Variants in ZNF160 observed in about 807,000 individuals in gnomAD.
The protein encoded by ZNF160 is KRAB zinc finger protein KR18.
ZNF160 carries 9 observed loss-of-function variants against 13.1 expected under a neutral mutation model. The ratio of observed to expected loss-of-function variants is 0.69; its 90% CI spans 0.41 to 1.20. The LOEUF is 1.20. Among genes scored for constraint, ZNF160 ranks in the 50% most tolerant of loss-of-function variants. ZNF160 has a pLI of 0.01. For missense variants in ZNF160, 838 were observed against 988.0 expected, an observed-to-expected ratio of 0.85 and a Z score of 2.04; for synonymous variants, 293 against 333.2, an observed-to-expected ratio of 0.88 and a Z score of 1.31.
intron 3 of ZNF160, 69 bp from the exon 4 acceptor site, chr19:53,075,252 A>C: frequency 6.3e-7 from 1 of 1,583,708 alleles, no homozygotes; most frequent in Non-Finnish European, 8.6e-7. Flanking sequence ...AAAGGAGAAG[A>C]GGAGAAAAAT....
chr19:53,076,438 A>C (rs955134175), intron 3 of ZNF160, among the ~76,000 whole-genome samples: 3 of 152,162 alleles, frequency 2.0e-5, no homozygotes, highest in Non-Finnish European at 4.4e-5. Context: ...TCAGGAGTTC[A>C]AGACCAGCCT....
At chr19:53,094,894 G>C (rs2145962146) in intron 1 of ZNF160, among the ~76,000 whole-genome samples, 2 of 152,184 alleles carry the variant, frequency 1.3e-5, no homozygotes, top group African/African-American at 4.8e-5. Flanking sequence ...GAGGAGTAGA[G>C]AGCCCAGGCC....
At chr19:53,094,131 C>T (rs1378751488) in intron 1 of ZNF160, among the ~76,000 whole-genome samples, 2 of 152,130 alleles carry the variant, frequency 1.3e-5, no homozygotes, top group African/African-American at 4.8e-5. Context: ...CAAAGGTAAC[C>T]CAGAAATTTA....
intron 3 of ZNF160, among the ~76,000 whole-genome samples, chr19:53,084,496 C>A (rs1298608361): frequency 6.6e-6 from 1 of 152,148 alleles, no homozygotes; most frequent in African/African-American, 2.4e-5. Flanking sequence ...CGTGCTCCGG[C>A]CTCGCTCCAG....
At chr19:53,078,078 A>T (rs2145647945) in intron 3 of ZNF160, among the ~76,000 whole-genome samples, 1 of 152,256 alleles carries the variant, frequency 6.6e-6, no homozygotes, top group East Asian at 1.9e-4. Context: ...CATCTCTACA[A>T]AAATACAAAA....
At position 53,069,599 on chromosome 19, in the gene ZNF160, G is replaced by C; in HGVS notation, c.935C>G (p.Pro312Arg). The change falls in exon 6 of 6, where the codon CCT becomes CGT. Residue 312 changes from proline to arginine, a missense_variant. Pro to Arg is a moderately radical substitution (Grantham distance 103). This residue lies in a region of ZNF160 where 387 missense variants were observed against 402.3 expected (regional missense o/e 0.96). Coordinates refer to ENST00000683776, the MANE Select transcript of ZNF160 (RefSeq NM_001322131.2). This position sits in a 1 kb window ranked among gnomAD's most constrained non-coding sequence, Gnocchi z 4.4. ...IHQVIHTGEK[P>R]YKCHECGKVF... ...CTTGCCACACTCATGACATTTGTAAGGTTTTTCTCCAGTATGGATGACCTG... is the reference window on the plus strand; with the variant it reads ...CTTGCCACACTCATGACATTTGTAACGTTTTTCTCCAGTATGGATGACCTG... 5.0e-6 allele frequency: 8 copies of C among 1,614,088 alleles called. No homozygotes were observed. Among genetic ancestry groups the C allele is most frequent in the Non-Finnish European group, 6.8e-6 (8 of 1,180,016 alleles).
At position 53,079,708 on chromosome 19, in the gene ZNF160, T is replaced by C. The variant is rs139446489; in HGVS notation, c.16-4525A>G. On this transcript the variant is annotated intron_variant, in intron 3 of 5. Coordinates refer to ENST00000683776, the MANE Select transcript of ZNF160 (RefSeq NM_001322131.2). ...CATCCAACCGAAAAACTTTTGTGCA[T>C]CAACAGATGCTACCAAGAGTAAAAC... is the stretch of plus-strand genomic sequence containing the variant. 3.3e-3 allele frequency among the ~76,000 whole-genome samples: 481 copies of C among 145,596 alleles called. 6 individuals are homozygous for C. Among genetic ancestry groups the C allele is most frequent in the Non-Finnish European group, 4.6e-3 (308 of 66,994 alleles).
At chr19:53,078,242 A>G (rs535688599) in intron 3 of ZNF160, among the ~76,000 whole-genome samples, 10 of 149,040 alleles carry the variant, frequency 6.7e-5, no homozygotes, top group South Asian at 2.1e-4. Flanking sequence ...ACCTCAGGGG[A>G]AAAAAAAAAT....
chr19:53,073,303 G>T (rs768942366), intron 5 of ZNF160: 2 of 1,575,318 alleles, frequency 1.3e-6, no homozygotes, highest in South Asian at 2.3e-5. Flanking sequence ...GAAGGATTTT[G>T]TTAGGTGTCT....
At chr19:53,085,966 T>A (rs757805771) in intron 3 of ZNF160, 22 of 1,253,778 alleles carry the variant, frequency 1.8e-5, no homozygotes, top group Non-Finnish European at 2.2e-5. Context: ...ATGCGGCCCC[T>A]GAGCAATCCC....
At chr19:53,080,484 C>A (rs918310607) in intron 3 of ZNF160, among the ~76,000 whole-genome samples, 4 of 152,002 alleles carry the variant, frequency 2.6e-5, no homozygotes, top group Admixed American at 6.6e-5. Flanking sequence ...ATAGCCACAC[C>A]CCCCAAAAAA....
chr19:53,069,012 G>T lies in ZNF160; in HGVS notation c.1522C>A (p.Pro508Thr), dbSNP rs2084064315. ...NHRRIHTGEK[P>T]YKCNECGKAF... ...TTCCCACACTCATTACACTTGTAAG[G>T]TTTCTCTCCAGTATGAATTCTTCGA... The change falls in exon 6 of 6, where the codon CCT (proline) becomes ACT (threonine). Residue 508 changes from proline to threonine, a missense_variant. By Grantham distance (38) the Pro-to-Thr change is conservative. Transcript: ENST00000683776. This position sits in a 1 kb window ranked among gnomAD's most constrained non-coding sequence, Gnocchi z 4.4. 1 of 1,614,066 alleles carries T rather than the reference G, an allele frequency of 6.2e-7. No homozygotes were observed. Among genetic ancestry groups the T allele is most frequent in the Admixed American group, 1.7e-5 (1 of 59,996 alleles).
chr19:53,071,692 C>G (rs1285584290), intron 5 of ZNF160, among the ~76,000 whole-genome samples: 1 of 151,924 alleles, frequency 6.6e-6, no homozygotes, highest in Non-Finnish European at 1.5e-5. Context: ...ATCGGGCAGC[C>G]TAGATTCAAA....
At position 53,066,983 on chromosome 19, in the gene ZNF160, G is replaced by A. The variant is rs1463973474; in HGVS notation, c.*1094C>T. 3 of 151,996 alleles carry A rather than the reference G, an allele frequency of 2.0e-5. No homozygotes were observed. The highest frequency in any genetic ancestry group is 4.4e-5 in the Non-Finnish European group (3 of 68,038). The allele number at this position is 151,996 out of a possible 1,614,324, so 9.4% of individuals were successfully genotyped here. On this transcript the variant is annotated 3_prime_UTR_variant, in exon 6 of 6. Transcript: ENST00000683776. The stretch of plus-strand genomic sequence containing the variant: ...TTTAGTACAATTGGGGTTTCTCCAT[G>A]TTGGTCAGGCTGGTCTCGAACTCCC...
At position 53,068,361 on chromosome 19, in the gene ZNF160, C is replaced by T. The variant is rs2084034297; in HGVS notation, c.2173G>A (p.Ala725Thr). The T allele has an allele frequency of 6.2e-7, 1 of 1,613,942 alleles. No homozygotes were observed. The highest frequency in any genetic ancestry group is 1.7e-5 in the Admixed American group (1 of 59,990). ...TAAGGTTTTTTCCCAGTATGGATTG[C>T]CTGATGGGTGGTTAGGCTTGAACGA... is the stretch of plus-strand genomic sequence containing the variant. ...SVRSSLTTHQ[A>T]IHTGKKPYKC... The change falls in exon 6 of 6, where the codon GCA (alanine) becomes ACA (threonine). Residue 725 changes from alanine to threonine, a missense_variant. Coordinates refer to ENST00000683776, the MANE Select transcript of ZNF160 (RefSeq NM_001322131.2).
Position 53,067,866 on chromosome 19 carries a change from A to T in ZNF160, c.*211T>A. 1.8e-6 allele frequency: 1 copy of T among 567,808 alleles called. No homozygotes were observed. Among genetic ancestry groups the T allele is most frequent in the Admixed American group, 3.6e-5 (1 of 27,896 alleles). 35.2% of individuals were successfully genotyped at this position (567,808 alleles called of 1,614,324 possible). On this transcript the variant is annotated 3_prime_UTR_variant, in exon 6 of 6. Coordinates refer to ENST00000683776, the MANE Select transcript of ZNF160 (RefSeq NM_001322131.2). ...TTACATTTGTTTCGTTTCATCAAAG[A>T]TATAAATCTTGATGCCTAGTAACCT...
At chr19:53,094,728 A>G (rs546097001) in intron 1 of ZNF160, among the ~76,000 whole-genome samples, 45 of 152,314 alleles carry the variant, frequency 3.0e-4, no homozygotes, top group Admixed American at 1.1e-3. Flanking sequence ...TGGACTGAAA[A>G]TAAGCCGGAA....
In ZNF160 at chr19:53,075,286, G is replaced by A. The variant is rs1016540417; in HGVS notation, c.16-103C>T. On this transcript the variant is annotated intron_variant, in intron 3 of 5. Coordinates refer to ENST00000683776, the MANE Select transcript of ZNF160 (RefSeq NM_001322131.2). ...ATGTGAGAATAGGTTAAATTGAAGT[G>A]GGTGAGCTGACAGATCCAGATTGTG... 13 of 1,455,846 alleles carry A rather than the reference G, an allele frequency of 8.9e-6. No homozygotes were observed. In the East Asian group the frequency reaches 9.2e-5, roughly 10 times the overall value. 90.2% of individuals were successfully genotyped at this position (1,455,846 alleles called of 1,614,324 possible). A position where few individuals can be genotyped will look rare whatever the true frequency, so the allele number is the denominator to read the frequency against.
rs1403648718 is a variant in ZNF160, at chr19:53,098,708, A to G, written c.-354+4557T>C. The stretch of plus-strand genomic sequence containing the variant: ...CTGAACTTCTCGCCACCCTTCCTGA[A>G]GGGAATCCAGGACCCCTGACTGCGA... On this transcript the variant is annotated intron_variant, in intron 1 of 5. Transcript: ENST00000683776. 2.6e-5 allele frequency among the ~76,000 whole-genome samples: 4 copies of G among 151,600 alleles called. No homozygotes were observed. The East Asian group carries it at 5.8e-4, about 22-fold the overall frequency.
Sources: allele counts gnomAD v4.1 joint callset (sites outside exome capture counted in the v4.1 genomes callset), GRCh38; gene constraint gnomAD v4.1.1; regional missense constraint gnomAD v4.1.1; non-coding constraint Gnocchi (gnomAD v3.1); transcripts MANE v1.5; gene names NCBI Gene and HGNC (gene_info 2026-07-23, HGNC 2026-07-21).